The following CSMD1 variants were observed in gnomAD, a reference collection of about 807,000 sequenced individuals.
CSMD1 encodes the protein CUB and Sushi multiple domains 1, also known as CUB and sushi domain-containing protein 1.
Under a neutral mutation model 417.5 loss-of-function variants are expected in CSMD1, and 213 were observed. The observed-to-expected ratio is 0.51, with a 90% CI of 0.46 to 0.57. The LOEUF (loss-of-function observed/expected upper bound fraction) is 0.57, where lower values mean the gene tolerates loss of function less well. CSMD1 is among the 20% of genes least tolerant of loss of function. The probability of loss-of-function intolerance (pLI) is 0.00; values close to 1 mark genes in which losing one functional copy is unlikely to be tolerated. For missense variants in CSMD1, 6,923 were observed against 4,529.7 expected (o/e 1.53, Z -15.17); for synonymous variants, 2,862 against 1,736.8 (o/e 1.65, Z -16.11).
chr8:4,846,914 T>C (rs1476873013), intron 1 of CSMD1, among the ~76,000 whole-genome samples: 3 of 152,172 alleles, frequency 2.0e-5, no homozygotes, highest in African/African-American at 4.8e-5. Flanking sequence ...CTAAAAACCA[T>C]GTGCTTCTAA....
intron 49 of CSMD1, among the ~76,000 whole-genome samples, chr8:3,069,630 C>A (rs1813191025): frequency 6.6e-6 from 1 of 152,138 alleles, no homozygotes; most frequent in African/African-American, 2.4e-5. Context: ...CAGGGAGCAG[C>A]CCCCAAGGCT....
intron 3 of CSMD1, among the ~76,000 whole-genome samples, chr8:4,348,088 A>C (rs1043792409): frequency 3.3e-5 from 5 of 152,224 alleles, no homozygotes; most frequent in African/African-American, 1.2e-4. Context: ...CCAGTGGCCC[A>C]GGAAAAGTGA....
At chr8:3,286,885 T>A (rs1471846483) in intron 25 of CSMD1, among the ~76,000 whole-genome samples, 4 of 152,222 alleles carry the variant, frequency 2.6e-5, no homozygotes, top group Non-Finnish European at 4.4e-5. Context: ...GTTTTAGACA[T>A]GAAGTCCTTG....
At chr8:3,236,796 TA>T (rs1236175874) in intron 26 of CSMD1, among the ~76,000 whole-genome samples, 1 of 152,172 alleles carries the variant, frequency 6.6e-6, no homozygotes, top group Non-Finnish European at 1.5e-5. Flanking sequence ...TTTCTTGCCA[TA>T]AAAAAGAAAA....
chr8:4,345,686 C>G (rs1473247764), intron 3 of CSMD1, among the ~76,000 whole-genome samples: 1 of 152,006 alleles, frequency 6.6e-6, no homozygotes, highest in Non-Finnish European at 1.5e-5. Flanking sequence ...ATGAAATGGC[C>G]ATGTAATTTT....
intron 7 of CSMD1, among the ~76,000 whole-genome samples, chr8:3,680,336 A>T (rs1044479714): frequency 1.3e-5 from 2 of 152,200 alleles, no homozygotes; most frequent in African/African-American, 4.8e-5. Context: ...TAGACGCAAT[A>T]AAAAATGACA....
intron 5 of CSMD1, among the ~76,000 whole-genome samples, chr8:3,979,862 A>T (rs188505072): frequency 6.6e-6 from 1 of 152,212 alleles, no homozygotes; most frequent in Non-Finnish European, 1.5e-5. Flanking sequence ...AGAGCTATTT[A>T]TACTGTAGAC....
intron 4 of CSMD1, among the ~76,000 whole-genome samples, chr8:4,010,684 G>A (rs553828284): frequency 4.6e-5 from 7 of 152,218 alleles, no homozygotes; most frequent in African/African-American, 1.7e-4. Context: ...CCCTGACTCT[G>A]CCTCCCCTTC....
chr8:3,639,353 G>GA (rs1797196565), intron 7 of CSMD1, among the ~76,000 whole-genome samples: 1 of 152,084 alleles, frequency 6.6e-6, no homozygotes, highest in Non-Finnish European at 1.5e-5. Flanking sequence ...AGTTTAAGAG[G>GA]AAAAAGAGAG....
At chr8:4,192,135 G>A (rs750774208) in intron 3 of CSMD1, among the ~76,000 whole-genome samples, 6 of 152,030 alleles carry the variant, frequency 3.9e-5, no homozygotes, top group Non-Finnish European at 8.8e-5. Flanking sequence ...CAAATATGAC[G>A]CGTCTTCACT....
intron 5 of CSMD1, among the ~76,000 whole-genome samples, chr8:3,946,716 ATT>A (rs1811252910): frequency 6.6e-6 from 1 of 151,846 alleles, no homozygotes; most frequent in South Asian, 2.1e-4. Flanking sequence ...CATTTTTCAT[ATT>A]TTGTTAGGTC....
intron 1 of CSMD1, among the ~76,000 whole-genome samples, chr8:4,833,361 C>A (rs1346742544): frequency 3.3e-5 from 5 of 152,174 alleles, no homozygotes; most frequent in Non-Finnish European, 1.5e-5. Flanking sequence ...GGAAGTGCTA[C>A]ACACTTTCAG....
intron 7 of CSMD1, among the ~76,000 whole-genome samples, chr8:3,622,038 T>TAAC (rs887005523): frequency 3.3e-5 from 5 of 151,774 alleles, no homozygotes; most frequent in Admixed American, 2.0e-4. Context: ...TCTGTATTTC[T>TAAC]AACATTCTGA....
chr8:4,855,274 C>G (rs1436946595), intron 1 of CSMD1, among the ~76,000 whole-genome samples: 1 of 151,654 alleles, frequency 6.6e-6, no homozygotes, highest in Non-Finnish European at 1.5e-5. Flanking sequence ...ACATAACCAT[C>G]ATCAAAGACC....
chr8:4,752,338 G>C (rs1205222345), intron 1 of CSMD1, among the ~76,000 whole-genome samples: 1 of 152,038 alleles, frequency 6.6e-6, no homozygotes, highest in African/African-American at 2.4e-5. Flanking sequence ...GTATTTCTCT[G>C]TGAGCAATCT....
intron 1 of CSMD1, among the ~76,000 whole-genome samples, chr8:4,762,652 G>A (rs1300353352): frequency 6.6e-6 from 1 of 152,122 alleles, no homozygotes; most frequent in Non-Finnish European, 1.5e-5. Context: ...CTCCACCTCT[G>A]CTGTAGCTGT....
chr8:3,136,680 C>A (rs1818116302), intron 41 of CSMD1, among the ~76,000 whole-genome samples: 1 of 152,240 alleles, frequency 6.6e-6, no homozygotes, highest in East Asian at 1.9e-4. Context: ...ACACTCAGAG[C>A]TGTTTGCACA....
chr8:3,883,477 T>C (rs183129100), intron 5 of CSMD1, among the ~76,000 whole-genome samples: 2 of 152,256 alleles, frequency 1.3e-5, no homozygotes, highest in East Asian at 3.9e-4. Flanking sequence ...TATATATGTA[T>C]ATGCACACAA....
intron 55 of CSMD1, among the ~76,000 whole-genome samples, chr8:2,976,449 G>A (rs1236348742): frequency 6.6e-6 from 1 of 152,136 alleles, no homozygotes; most frequent in African/African-American, 2.4e-5. Flanking sequence ...GGACTCAAGT[G>A]ATCCTGCCAC....
Sources: allele counts gnomAD v4.1 joint callset (sites outside exome capture counted in the v4.1 genomes callset), GRCh38; gene constraint gnomAD v4.1.1; transcripts MANE v1.5; gene names NCBI Gene and HGNC (gene_info 2026-07-23, HGNC 2026-07-21).